NRG1: variants seen among roughly 807,000 people sequenced by gnomAD.
NRG1 encodes the protein neuregulin 1.
Under a neutral mutation model 63.8 loss-of-function variants are expected in NRG1, and 18 were observed. The ratio of observed to expected loss-of-function variants is 0.28; its 90% CI spans 0.19 to 0.42. The LOEUF (loss-of-function observed/expected upper bound fraction) is 0.42, where lower values mean the gene tolerates loss of function less well. Among genes scored for constraint, NRG1 ranks in the 10% least tolerant of loss-of-function variants. The pLI is 1.00. For synonymous variants in NRG1, 302 were observed against 301.3 expected (o/e 1.00, Z -0.02); for missense variants, 762 against 814.7 (o/e 0.94, Z 0.79).
rs1412449694 is a variant in NRG1, at chr8:32,073,960, ATAT to A, written c.37+434538_37+434540del. Among the ~76,000 whole-genome samples, 6 of 152,296 alleles carry A rather than the reference ATAT, an allele frequency of 3.9e-5. No individual in the cohort carries two copies. The East Asian group carries it at 9.6e-4, about 24-fold the overall frequency. ...AGGTGGATGACTTACTGGATATCAGATATTATTATTAACAAAAAGTTTACTACA... is the reference window on the plus strand; with the variant it reads ...AGGTGGATGACTTACTGGATATCAGATATTATTAACAAAAAGTTTACTACA... On this transcript the variant is annotated intron_variant, in intron 1 of 10. Transcript: ENST00000519301.
intron 1 of NRG1, among the ~76,000 whole-genome samples, chr8:32,478,687 C>T (rs1256941210): frequency 6.6e-6 from 1 of 152,114 alleles, no homozygotes; most frequent in Non-Finnish European, 1.5e-5. Context: ...CACATGATGA[C>T]AGCGGGATAA....
chr8:32,559,245 T>TAAAAAA (rs545838945), intron 1 of NRG1, among the ~76,000 whole-genome samples: 7 of 96,788 alleles, frequency 7.2e-5, no homozygotes, highest in Non-Finnish European at 1.2e-4. Context: ...CTCTAAAATG[T>TAAAAAA]AAAAAAAAAA....
intron 1 of NRG1, among the ~76,000 whole-genome samples, chr8:32,142,996 C>T (rs1836449215): frequency 6.6e-6 from 1 of 152,134 alleles, no homozygotes; most frequent in Non-Finnish European, 1.5e-5. Flanking sequence ...AACCAAAGTC[C>T]TGTTACTTCT....
At chr8:31,891,355 A>G (rs1831129281) in intron 1 of NRG1, among the ~76,000 whole-genome samples, 1 of 152,186 alleles carries the variant, frequency 6.6e-6, no homozygotes, top group Admixed American at 6.5e-5. Flanking sequence ...ACCAAAGAGG[A>G]TATACATTTG....
chr8:32,743,595 T>TATATATATATAA (rs1439936922), intron 7 of NRG1, among the ~76,000 whole-genome samples: 7 of 141,792 alleles, frequency 4.9e-5, no homozygotes, highest in African/African-American at 1.0e-4. Context: ...TATATATATA[T>TATATATATATAA]AAAACTTAAT....
At chr8:31,903,569 G>T (rs1342507399) in intron 1 of NRG1, among the ~76,000 whole-genome samples, 3 of 152,088 alleles carry the variant, frequency 2.0e-5, no homozygotes, top group Non-Finnish European at 4.4e-5. Flanking sequence ...GCACCTCTAA[G>T]TTATTGAGTA....
At chr8:32,236,967 G>A (rs1387643779) in intron 1 of NRG1, among the ~76,000 whole-genome samples, 1 of 152,060 alleles carries the variant, frequency 6.6e-6, no homozygotes, top group Non-Finnish European at 1.5e-5. Context: ...GAGATGTACC[G>A]CGAACCCAAC....
At chr8:31,778,353 A>G (rs1819356107) in intron 1 of NRG1, among the ~76,000 whole-genome samples, 2 of 152,148 alleles carry the variant, frequency 1.3e-5, no homozygotes, top group African/African-American at 4.8e-5. Flanking sequence ...TCTGGTCACC[A>G]CCATCACTTC....
At chr8:32,418,985 T>C (rs535654423) in intron 1 of NRG1, among the ~76,000 whole-genome samples, 1 of 152,314 alleles carries the variant, frequency 6.6e-6, no homozygotes, top group African/African-American at 2.4e-5. Flanking sequence ...GTAATCATAC[T>C]TCTTGTTTTC....
chr8:32,419,208 G>A (rs562976958), intron 1 of NRG1, among the ~76,000 whole-genome samples: 1 of 152,328 alleles, frequency 6.6e-6, no homozygotes, highest in African/African-American at 2.4e-5. Context: ...AGAAGGTGAA[G>A]GAGATAAGAG....
At chr8:31,727,395 T>G (rs532414154) in intron 1 of NRG1, among the ~76,000 whole-genome samples, 70 of 152,330 alleles carry the variant, frequency 4.6e-4, no homozygotes, top group Admixed American at 4.6e-4. Flanking sequence ...TTCCATCTCC[T>G]CTAATTTCTC....
chr8:32,249,168 G>C (rs932374651), intron 1 of NRG1, among the ~76,000 whole-genome samples: 4 of 152,004 alleles, frequency 2.6e-5, no homozygotes, highest in Non-Finnish European at 4.4e-5. Context: ...TTTTTTCAGA[G>C]ATGGGCTAGA....
intron 1 of NRG1, among the ~76,000 whole-genome samples, chr8:32,451,676 C>A (rs1190684273): frequency 6.6e-6 from 1 of 152,168 alleles, no homozygotes; most frequent in Non-Finnish European, 1.5e-5. Context: ...ATTCTCCATG[C>A]CTCCTCAAGC....
At position 31,696,413 on chromosome 8, in the gene NRG1, A is replaced by G. The variant is rs529186514; in HGVS notation, c.37+56982A>G. 2.0e-5 allele frequency among the ~76,000 whole-genome samples: 3 copies of G among 152,316 alleles called. No homozygotes were observed. The South Asian group carries it at 6.2e-4, about 32-fold the overall frequency. On this transcript the variant is annotated intron_variant, in intron 1 of 10. Coordinates refer to the NRG1 transcript ENST00000519301. ...CAAGGCATATGCTGGTTCAGAGGATATATCTGTGTACTAGAAAGAAGATCC... is the reference window on the plus strand; with the variant it reads ...CAAGGCATATGCTGGTTCAGAGGATGTATCTGTGTACTAGAAAGAAGATCC...
At chr8:31,920,958 T>C (rs1680167) in intron 1 of NRG1, among the ~76,000 whole-genome samples, 99,213 of 151,846 alleles carry the variant, frequency 0.65, 32,854 homozygotes, top group East Asian at 0.92. Flanking sequence ...ATTATTTTCA[T>C]AATATTTCAA....
chr8:32,773,671 G>C (rs13269230), intron 7 of NRG1, among the ~76,000 whole-genome samples: 120,714 of 152,062 alleles, frequency 0.79, 49,115 homozygotes, highest in Middle Eastern at 0.91. Flanking sequence ...GGATCCATTT[G>C]TCTCCTGACT....
intron 1 of NRG1, among the ~76,000 whole-genome samples, chr8:32,528,064 A>C (rs1831064983): frequency 2.6e-5 from 4 of 152,100 alleles, no homozygotes; most frequent in Non-Finnish European, 4.4e-5. Context: ...TCCACCTGTA[A>C]TTCTTATCCT....
At chr8:31,861,081 A>G (rs1324393097) in intron 1 of NRG1, among the ~76,000 whole-genome samples, 5 of 152,216 alleles carry the variant, frequency 3.3e-5, no homozygotes, top group South Asian at 4.1e-4. Context: ...GTCACTGTCA[A>G]TATTATTCTG....
At chr8:32,414,521 C>G (rs899694574) in intron 1 of NRG1, among the ~76,000 whole-genome samples, 2 of 152,112 alleles carry the variant, frequency 1.3e-5, no homozygotes, top group African/African-American at 4.8e-5. Context: ...GACAGCCGTC[C>G]GTGTCAGTTG....
Sources: allele counts gnomAD v4.1 joint callset (sites outside exome capture counted in the v4.1 genomes callset), GRCh38; gene constraint gnomAD v4.1.1; transcripts MANE v1.5; gene names NCBI Gene and HGNC (gene_info 2026-07-23, HGNC 2026-07-21).